Variants in FAM228B observed in about 807,000 individuals in gnomAD.
FAM228B encodes the protein protein FAM228B.
Under a neutral mutation model 42.6 loss-of-function variants are expected in FAM228B, and 38 were observed. The observed-to-expected ratio is 0.89, with a 90% confidence interval of 0.69 to 1.17. The LOEUF (loss-of-function observed/expected upper bound fraction) is 1.17, where lower values mean the gene tolerates loss of function less well. FAM228B is among the 50% of genes most tolerant of loss of function. The pLI, the probability that FAM228B is intolerant of heterozygous loss-of-function variation, is 0.00. For missense variants in FAM228B, 344 were observed against 367.3 expected (o/e 0.94, Z 0.52); for synonymous variants, 109 against 122.3 (o/e 0.89, Z 0.72).
intron 2 of FAM228B, among the ~76,000 whole-genome samples, chr2:24,090,402 G>C (rs1283178518): frequency 1.3e-5 from 2 of 151,774 alleles, no homozygotes; most frequent in Non-Finnish European, 1.5e-5. Context: ...TGGCCAACAT[G>C]GTGAAACCCC....
At chr2:24,082,599 G>A (rs1254550476) in intron 2 of FAM228B, among the ~76,000 whole-genome samples, 2 of 152,176 alleles carry the variant, frequency 1.3e-5, no homozygotes, top group East Asian at 1.9e-4. Flanking sequence ...GTTGCACTGG[G>A]ACCCCAGAGA....
chr2:24,079,606 G>A (rs756417687), intron 1 of FAM228B: 60 of 1,613,916 alleles, frequency 3.7e-5, no homozygotes, highest in Non-Finnish European at 4.7e-5. Flanking sequence ...AGTAGGATCC[G>A]CCTATGCAGT....
chr2:24,107,692 G>A (rs902204451), intron 3 of FAM228B, among the ~76,000 whole-genome samples: 1 of 152,096 alleles, frequency 6.6e-6, no homozygotes, highest in African/African-American at 2.4e-5. Context: ...GGTAAATAAC[G>A]AAATTAGGTC....
At chr2:24,136,053 CTTTTTTTTTTTT>C (rs5829917) in intron 3 of FAM228B, among the ~76,000 whole-genome samples, 2 of 35,794 alleles carry the variant, frequency 5.6e-5, no homozygotes, top group Non-Finnish European at 9.0e-5. Flanking sequence ...GATAACCCTT[CTTTTTTTTTTTT>C]TTTTTTTTTT....
intron 9 of FAM228B, among the ~76,000 whole-genome samples, chr2:24,165,661 A>G (rs1667386592): frequency 6.6e-6 from 1 of 152,158 alleles, no homozygotes; most frequent in Admixed American, 6.5e-5. Context: ...ACAATTTTAT[A>G]TCCTGGTGCT....
chr2:24,140,734 G>C (rs1431365516), intron 5 of FAM228B, among the ~76,000 whole-genome samples: 1 of 151,992 alleles, frequency 6.6e-6, no homozygotes, highest in Admixed American at 6.6e-5. Context: ...GGCCAAGGCG[G>C]GTGGATCACC....
At chr2:24,088,945 C>T (rs934795352) in intron 2 of FAM228B, among the ~76,000 whole-genome samples, 3 of 152,192 alleles carry the variant, frequency 2.0e-5, no homozygotes, top group African/African-American at 7.2e-5. Flanking sequence ...GGAATAAAAC[C>T]TGCATATCTA....
chr2:24,089,421 G>GA lies in FAM228B; in HGVS notation c.-209-5711dup, dbSNP rs200229570. On this transcript the variant is annotated intron_variant, in intron 2 of 10. Transcript: ENST00000613899. ...CTACAGCAACAAGTAGTAAAATCTA[G>GA]AAAAAAAAAGGAAGATTTTTTTAGC... Among the ~76,000 whole-genome samples, 239 of 150,554 alleles carry GA rather than the reference G, an allele frequency of 1.6e-3. 1 individual carries two copies. Among genetic ancestry groups the GA allele is most frequent in the African/African-American group, 5.6e-3 (230 of 41,056 alleles).
chr2:24,080,155 G>A lies in FAM228B; in HGVS notation c.-289-721G>A, dbSNP rs1006570110. Reference sequence around the variant, plus strand: ...GTGGATCACCTGAGGTCAGGAGTTCGAGACCAGCCTGGCCAACATAGTGAA... The same window carrying A: ...GTGGATCACCTGAGGTCAGGAGTTCAAGACCAGCCTGGCCAACATAGTGAA... On this transcript the variant is annotated intron_variant, in intron 1 of 10. Coordinates refer to the FAM228B transcript ENST00000613899. This position sits in a 1 kb window ranked among gnomAD's most constrained non-coding sequence, Gnocchi z 4.7. Among the ~76,000 whole-genome samples, 1 of 152,058 alleles carries A rather than the reference G, an allele frequency of 6.6e-6. No individual in the cohort carries two copies. The highest frequency in any genetic ancestry group is 2.4e-5 in the African/African-American group (1 of 41,398).
chr2:24,092,924 G>GCACACACACACACA (rs3030954), intron 2 of FAM228B, among the ~76,000 whole-genome samples: 38 of 133,436 alleles, frequency 2.8e-4, no homozygotes, highest in Non-Finnish European at 5.0e-4. Flanking sequence ...ATGATTTTAT[G>GCACACACACACACA]CACACACACA....
chr2:24,126,703 C>T (rs1006030265), intron 2 of FAM228B, among the ~76,000 whole-genome samples: 15 of 151,964 alleles, frequency 9.9e-5, no homozygotes, highest in East Asian at 7.7e-4. Flanking sequence ...CTCTGCCTCC[C>T]CGGTTCACGC....
At chr2:24,110,881 C>T (rs554116519) in intron 3 of FAM228B, among the ~76,000 whole-genome samples, 37 of 151,860 alleles carry the variant, frequency 2.4e-4, no homozygotes, top group African/African-American at 8.9e-4. Context: ...AACTGAGCTC[C>T]TTAACCTGTG....
chr2:24,155,984 C>T (rs1667133748), intron 7 of FAM228B, among the ~76,000 whole-genome samples: 1 of 152,192 alleles, frequency 6.6e-6, no homozygotes, highest in Non-Finnish European at 1.5e-5. Flanking sequence ...GGGTCCACAT[C>T]CCATAGCCTT....
At chr2:24,079,306 C>T in intron 1 of FAM228B, 2 of 899,908 alleles carry the variant, frequency 2.2e-6, no homozygotes, top group Non-Finnish European at 1.7e-6. Context: ...CGGGTTCCCT[C>T]TTTATCTTCA....
rs1558396413 is a variant in FAM228B at position 24,164,244 on chromosome 2, G to A, written c.841G>A (p.Glu281Lys). The A allele has an allele frequency of 3.2e-6, 5 of 1,551,348 alleles. No individual in the cohort carries two copies. Among genetic ancestry groups the A allele is most frequent in the Non-Finnish European group, 2.6e-6 (3 of 1,146,768 alleles). ...FLEREPLCYQ[E>K]GNNPSAKEAI... ...AGAAAGAGAACCGCTGTGCTATCAG[G>A]AGGGAAATAATCCAAGTGCCAAAGA... The change falls in exon 9 of 11, where the codon GAG becomes AAG. Residue 281 changes from glutamate (E) to lysine (K), a missense_variant. Coordinates refer to ENST00000615575, the MANE Select transcript of FAM228B (RefSeq NM_001145710.2).
Position 24,164,330 on chromosome 2 carries a change from G to A in FAM228B, c.927G>A (p.Gln309=), listed in dbSNP as rs1313937807. ...TCAGCCAGGAACGGGAGGAAGACCA[G>A]GATGGGTAAGAGCTGGGGCTGTCCC... ...LSLSQEREED[Q]DGSPSPRLGL... is the part of the protein sequence containing the mutation. Residue 309 remains glutamine, a synonymous_variant, in exon 9 of 11, where the codon CAG becomes CAA. Coordinates refer to ENST00000615575, the MANE Select transcript of FAM228B (RefSeq NM_001145710.2). 8 of 1,550,348 alleles carry A rather than the reference G, an allele frequency of 5.2e-6. No homozygotes were observed. Among genetic ancestry groups the A allele is most frequent in the South Asian group, 2.4e-5 (2 of 83,982 alleles).
In FAM228B at chr2:24,100,564, T is replaced by C. The variant is rs562471662; in HGVS notation, c.-121+5335T>C. Reference sequence around the variant, plus strand: ...AATGCAAATCAAAACCACAATGAGATACCATCTTGTGCCAGTTAAAATGGC... The same window carrying C: ...AATGCAAATCAAAACCACAATGAGACACCATCTTGTGCCAGTTAAAATGGC... On this transcript the variant is annotated intron_variant, in intron 3 of 10. Transcript: ENST00000613899. 1.2e-4 allele frequency among the ~76,000 whole-genome samples: 18 copies of C among 152,322 alleles called. 1 individual carries two copies. Among genetic ancestry groups the C allele is most frequent in the South Asian group, 1.0e-3 (5 of 4,834 alleles).
At chr2:24,085,249 G>A (rs575162707) in intron 2 of FAM228B, 1 of 152,364 alleles carries the variant, frequency 6.6e-6, no homozygotes, top group East Asian at 1.9e-4. Context: ...GCAAAACGCA[G>A]TCCTGGGATC....
intron 3 of FAM228B, among the ~76,000 whole-genome samples, chr2:24,102,867 G>A (rs1665632827): frequency 6.6e-6 from 1 of 152,176 alleles, no homozygotes; most frequent in Admixed American, 6.5e-5. Context: ...AAACTAATCA[G>A]CCAAATCAAA....
Sources: allele counts gnomAD v4.1 joint callset (sites outside exome capture counted in the v4.1 genomes callset), GRCh38; gene constraint gnomAD v4.1.1; non-coding constraint Gnocchi (gnomAD v3.1); transcripts MANE v1.5; gene names NCBI Gene and HGNC (gene_info 2026-07-23, HGNC 2026-07-21).